ANKRD18B: variants seen among roughly 807,000 people sequenced by gnomAD.
The protein encoded by ANKRD18B is ankyrin repeat domain-containing protein 18B.
ANKRD18B carries 75 observed loss-of-function variants against 111.8 expected under a neutral mutation model. The observed-to-expected ratio is 0.67, with a 90% CI of 0.56 to 0.81. ANKRD18B has a LOEUF of 0.81. ANKRD18B is among the 40% of genes least tolerant of loss of function. The pLI, the probability that ANKRD18B is intolerant of heterozygous loss-of-function variation, is 0.00. For missense variants in ANKRD18B, 1,038 were observed against 1,225.5 expected (o/e 0.85, Z 2.28); for synonymous variants, 356 against 417.3 (o/e 0.85, Z 1.79).
chr9:33,542,003 G>A (rs1828286221), intron 9 of ANKRD18B, among the ~76,000 whole-genome samples: 1 of 152,032 alleles, frequency 6.6e-6, no homozygotes, highest in Non-Finnish European at 1.5e-5. Flanking sequence ...TGCCTGGCAT[G>A]TGCTATCTTT....
At chr9:33,556,438 A>G (rs1266848147) in intron 13 of ANKRD18B, among the ~76,000 whole-genome samples, 1 of 151,724 alleles carries the variant, frequency 6.6e-6, no homozygotes, top group African/African-American at 2.4e-5. Flanking sequence ...TAATTTTTGT[A>G]TTTTTAGTAG....
intron 17 of ANKRD18B, among the ~76,000 whole-genome samples, chr9:33,570,648 T>G (rs990195613): frequency 6.6e-6 from 1 of 151,240 alleles, no homozygotes; most frequent in Non-Finnish European, 1.5e-5. Flanking sequence ...TTTTTCTTTT[T>G]TTTTTTTTGA....
Position 33,572,708 on chromosome 9 carries a change from G to T in ANKRD18B, c.*274G>T, listed in dbSNP as rs909998015. ...AAGTCATCATTGATACTGTAGTAAA[G>T]GTCATCTTTGCATTTTACACTTTTT... On this transcript the variant is annotated 3_prime_UTR_variant, in exon 19 of 19. Transcript: ENST00000684830. 1.9e-6 allele frequency: 2 copies of T among 1,040,172 alleles called. No homozygotes were observed. Among genetic ancestry groups the T allele is most frequent in the Non-Finnish European group, 2.3e-6 (2 of 866,802 alleles). The allele number at this position is 1,040,172 out of a possible 1,614,324, so 64.4% of individuals were successfully genotyped here.
At chr9:33,566,152 T>C (rs1323724156) in intron 14 of ANKRD18B, 67 bp from the exon 15 acceptor site, 7 of 1,366,520 alleles carry the variant, frequency 5.1e-6, no homozygotes, top group Non-Finnish European at 6.0e-6. Context: ...CAAAATTTGC[T>C]ATTGGTTTTG....
intron 18 of ANKRD18B, 176 bp from the exon 19 acceptor site, chr9:33,572,140 A>C (rs906368006): frequency 1.7e-6 from 1 of 596,982 alleles, no homozygotes; most frequent in Admixed American, 3.3e-5. Flanking sequence ...ATTTAACCAC[A>C]ATTAGAATTA....
intron 10 of ANKRD18B, among the ~76,000 whole-genome samples, chr9:33,545,064 G>A (rs1331917910): frequency 6.6e-6 from 1 of 152,142 alleles, no homozygotes; most frequent in East Asian, 1.9e-4. Flanking sequence ...CTGAACAGAA[G>A]GAGCCCATCT....
intron 14 of ANKRD18B, among the ~76,000 whole-genome samples, chr9:33,560,463 G>A (rs1210301198): frequency 1.3e-5 from 2 of 152,240 alleles, no homozygotes; most frequent in Non-Finnish European, 2.9e-5. Context: ...ATCTGGTGTA[G>A]ACACTTGTGG....
chr9:33,531,143 C>A (rs1017584063), intron 3 of ANKRD18B, among the ~76,000 whole-genome samples: 3 of 152,052 alleles, frequency 2.0e-5, no homozygotes, highest in African/African-American at 7.2e-5. Context: ...TTCAGCATTC[C>A]TATGAACTAA....
intron 1 of ANKRD18B, among the ~76,000 whole-genome samples, chr9:33,525,203 G>GGAA (rs1828009635): frequency 6.6e-6 from 1 of 152,126 alleles, no homozygotes; most frequent in Non-Finnish European, 1.5e-5. Context: ...TATCATTTTT[G>GGAA]CATGACACTT....
At chr9:33,530,756 A>T (rs1486204635) in intron 3 of ANKRD18B, among the ~76,000 whole-genome samples, 3 of 152,178 alleles carry the variant, frequency 2.0e-5, no homozygotes, top group Non-Finnish European at 4.4e-5. Flanking sequence ...AGGAAATATC[A>T]TTGGCAATAT....
intron 14 of ANKRD18B, among the ~76,000 whole-genome samples, chr9:33,564,501 A>G (rs1001701406): frequency 6.6e-6 from 1 of 152,224 alleles, no homozygotes; most frequent in Non-Finnish European, 1.5e-5. Flanking sequence ...GCTACAGTAA[A>G]CATGTGAGGA....
Position 33,558,828 on chromosome 9 carries a change from C to G in ANKRD18B, c.2460+641C>G, listed in dbSNP as rs183923832. ...TTCTGAGCCAGTATGGTGACTGTGG[C>G]CCTGGATTACCCAATCTCAAGAGCT... On this transcript the variant is annotated intron_variant, in intron 14 of 18. Transcript: ENST00000684830. Among the ~76,000 whole-genome samples the G allele has an allele frequency of 2.5e-3, 380 of 151,322 alleles. 1 individual carries two copies. The highest frequency in any genetic ancestry group is 8.3e-3 in the African/African-American group (339 of 40,758).
At chr9:33,559,568 C>T (rs1038676121) in intron 14 of ANKRD18B, among the ~76,000 whole-genome samples, 20 of 152,026 alleles carry the variant, frequency 1.3e-4, no homozygotes, top group African/African-American at 4.6e-4. Context: ...CAAGGTCTTG[C>T]TCCTCAATAT....
intron 4 of ANKRD18B, 130 bp downstream of exon 4, chr9:33,533,675 C>T: frequency 1.4e-6 from 2 of 1,401,726 alleles, no homozygotes; most frequent in Admixed American, 3.4e-5. Context: ...TAAAAAATAA[C>T]ATGAATAATC....
chr9:33,544,294 C>T (rs1317761052), intron 10 of ANKRD18B, among the ~76,000 whole-genome samples: 1 of 152,148 alleles, frequency 6.6e-6, no homozygotes, highest in Non-Finnish European at 1.5e-5. Flanking sequence ...AATCCAGTAA[C>T]TTAGGAGTAG....
chr9:33,546,272 C>A (rs1332265147), intron 10 of ANKRD18B, among the ~76,000 whole-genome samples: 1 of 152,170 alleles, frequency 6.6e-6, no homozygotes, highest in Non-Finnish European at 1.5e-5. Context: ...TTCATGCATG[C>A]AAGTTTATCT....
chr9:33,541,082 A>G, intron 8 of ANKRD18B, 65 bp from the exon 9 acceptor site: 1 of 1,521,680 alleles, frequency 6.6e-7, no homozygotes, highest in Non-Finnish European at 8.8e-7. Flanking sequence ...AAACTTTGCC[A>G]GGTAAGGAGG....
chr9:33,525,053 G>C (rs1005942598), intron 1 of ANKRD18B, among the ~76,000 whole-genome samples: 1 of 152,216 alleles, frequency 6.6e-6, no homozygotes, highest in Admixed American at 6.5e-5. Flanking sequence ...TAGGTAGATA[G>C]GTTCTTTACT....
intron 5 of ANKRD18B, 80 bp from the exon 6 acceptor site, chr9:33,536,798 C>G (rs1449564293): frequency 4.3e-6 from 4 of 933,620 alleles, no homozygotes; most frequent in Non-Finnish European, 6.0e-6. Context: ...GTCTGAAATG[C>G]TTTAAGAATT....
Sources: gnomAD v4.1 joint callset for allele counts (sites outside exome capture counted in the v4.1 genomes callset) on GRCh38, gnomAD v4.1.1 for gene constraint, MANE v1.5 for transcripts, NCBI Gene and HGNC (gene_info 2026-07-23, HGNC 2026-07-21) for gene names.